Variants in NRG1 observed in about 807,000 individuals in gnomAD.
NRG1 encodes the protein neuregulin 1.
NRG1 carries 18 observed loss-of-function variants against 63.8 expected under a neutral mutation model. That is an observed-to-expected ratio of 0.28 (90% CI 0.19 to 0.42). The LOEUF (loss-of-function observed/expected upper bound fraction) is 0.42. Among genes scored for constraint, NRG1 ranks in the 10% least tolerant of loss-of-function variants. NRG1 has a pLI of 1.00. For missense variants in NRG1, 762 were observed against 814.7 expected (o/e 0.94, Z 0.79); for synonymous variants, 302 against 301.3 (o/e 1.00, Z -0.02).
intron 1 of NRG1, among the ~76,000 whole-genome samples, chr8:32,590,830 C>G (rs561941525): frequency 6.6e-6 from 1 of 152,140 alleles, no homozygotes; most frequent in East Asian, 1.9e-4. Context: ...AAAAGTCATA[C>G]AAACCACATG....
intron 1 of NRG1, among the ~76,000 whole-genome samples, chr8:32,559,751 C>CT: frequency 6.6e-6 from 1 of 151,324 alleles, no homozygotes; most frequent in African/African-American, 2.4e-5. Context: ...ATTCCCAGCA[C>CT]TTTGAGGGGC....
At chr8:31,716,947 G>T (rs1434026940) in intron 1 of NRG1, among the ~76,000 whole-genome samples, 1 of 152,188 alleles carries the variant, frequency 6.6e-6, no homozygotes, top group Non-Finnish European at 1.5e-5. Flanking sequence ...AGAAAGCTTA[G>T]AACAGTGAAA....
At chr8:31,698,659 T>C (rs1400863710) in intron 1 of NRG1, among the ~76,000 whole-genome samples, 1 of 152,224 alleles carries the variant, frequency 6.6e-6, no homozygotes, top group East Asian at 1.9e-4. Context: ...GTTATTAGCA[T>C]GGGTCTTTGT....
intron 1 of NRG1, among the ~76,000 whole-genome samples, chr8:32,097,183 T>G (rs1433209950): frequency 6.6e-6 from 1 of 152,216 alleles, no homozygotes; most frequent in African/African-American, 2.4e-5. Context: ...ATTTCATTCT[T>G]TCTTGTGGCT....
chr8:32,062,788 AT>A (rs2130925254), intron 1 of NRG1, among the ~76,000 whole-genome samples: 1 of 152,136 alleles, frequency 6.6e-6, no homozygotes, highest in African/African-American at 2.4e-5. Context: ...TATAATTCAT[AT>A]TTGTTTTATC....
Position 32,107,194 on chromosome 8 carries a change from C to G in NRG1, c.37+467763C>G, listed in dbSNP as rs185213163. On this transcript the variant is annotated intron_variant, in intron 1 of 10. Coordinates refer to the NRG1 transcript ENST00000519301. ...GAGGTCGCAGTGAGCCGAGATTGCGCAACAGAGTGTGACTCAGTCTTAAAA... is the reference window on the plus strand; with the variant it reads ...GAGGTCGCAGTGAGCCGAGATTGCGGAACAGAGTGTGACTCAGTCTTAAAA... 1.2e-4 allele frequency among the ~76,000 whole-genome samples: 18 copies of G among 149,968 alleles called. No homozygotes were observed. The East Asian group carries it at 3.4e-3, about 28-fold the overall frequency.
intron 1 of NRG1, among the ~76,000 whole-genome samples, chr8:32,444,862 G>T (rs1418115317): frequency 6.6e-6 from 1 of 152,322 alleles, no homozygotes; most frequent in East Asian, 1.9e-4. Context: ...TTTAGAGGAA[G>T]AGATGGGACT....
chr8:32,152,243 T>G (rs1378364828), intron 1 of NRG1, among the ~76,000 whole-genome samples: 1 of 152,238 alleles, frequency 6.6e-6, no homozygotes. Context: ...GATGAACATT[T>G]GCAAGCTGTA....
intron 1 of NRG1, among the ~76,000 whole-genome samples, chr8:32,192,749 ATAAG>A (rs1448112598): frequency 3.3e-5 from 5 of 152,220 alleles, no homozygotes; most frequent in Admixed American, 6.5e-5. Context: ...CTTGAAAAAA[ATAAG>A]TAAGTAAAAC....
At chr8:32,345,827 G>A (rs1425066861) in intron 1 of NRG1, among the ~76,000 whole-genome samples, 6 of 151,710 alleles carry the variant, frequency 4.0e-5, no homozygotes, top group Admixed American at 2.0e-4. Flanking sequence ...CTGCAGAGAC[G>A]GCCAACCCCA....
At chr8:31,698,323 C>A (rs1197778786) in intron 1 of NRG1, among the ~76,000 whole-genome samples, 1 of 152,108 alleles carries the variant, frequency 6.6e-6, no homozygotes, top group African/African-American at 2.4e-5. Context: ...TGACAAGGAC[C>A]AATTGTGATT....
chr8:32,086,883 A>G (rs960368112), intron 1 of NRG1, among the ~76,000 whole-genome samples: 1 of 152,346 alleles, frequency 6.6e-6, no homozygotes, highest in African/African-American at 2.4e-5. Context: ...TTACATTATT[A>G]TAGTAAGAAC....
chr8:31,932,126 A>G (rs541448835), intron 1 of NRG1, among the ~76,000 whole-genome samples: 9 of 151,148 alleles, frequency 6.0e-5, no homozygotes, highest in African/African-American at 2.2e-4. Context: ...CTTTAAGGGA[A>G]GGTTTTTGGT....
chr8:31,665,832 C>T (rs1032732235), intron 1 of NRG1, among the ~76,000 whole-genome samples: 2 of 152,142 alleles, frequency 1.3e-5, no homozygotes, highest in African/African-American at 4.8e-5. Context: ...CTAATTTGCT[C>T]CATTTTCAAA....
rs188147772 is a variant in NRG1 at position 32,567,474 on chromosome 8, C to G, written c.100+18648C>G. ...CTGGCCTAGTCTGATGCTTAGCCTT[C>G]AAGAGTAAAATGATGTGTTGTTAGA... is the stretch of plus-strand genomic sequence containing the variant. On this transcript the variant is annotated intron_variant, in intron 1 of 11. Transcript: ENST00000356819. Among the ~76,000 whole-genome samples the G allele has an allele frequency of 1.3e-4, 20 of 152,316 alleles. No individual in the cohort carries two copies. The East Asian group carries it at 3.5e-3, about 26-fold the overall frequency.
intron 1 of NRG1, among the ~76,000 whole-genome samples, chr8:32,463,896 TTTTTTTTTTTTTTTTTTGG>T (rs1822682060): frequency 1.4e-5 from 1 of 73,204 alleles, no homozygotes; most frequent in African/African-American, 4.7e-5. Context: ...TTTTTTTTTT[TTTTTTTTTTTTTTTTTTGG>T]GGGAGGGTCT....
intron 1 of NRG1, among the ~76,000 whole-genome samples, chr8:32,231,976 T>G (rs2132597214): frequency 6.6e-6 from 1 of 152,140 alleles, no homozygotes; most frequent in South Asian, 2.1e-4. Context: ...TGATCACAGC[T>G]CACTGCAGCC....
intron 1 of NRG1, among the ~76,000 whole-genome samples, chr8:32,299,863 C>T (rs79648026): frequency 0.055 from 8,360 of 152,092 alleles, 269 homozygotes; most frequent in South Asian, 0.071. Flanking sequence ...TCCTGTGACA[C>T]GTGTGGATTA....
chr8:32,357,859 A>G (rs1220147699), intron 1 of NRG1, among the ~76,000 whole-genome samples: 1 of 152,190 alleles, frequency 6.6e-6, no homozygotes, highest in African/African-American at 2.4e-5. Context: ...ATACTTTTAA[A>G]AGACAGTGTA....
Sources: allele counts gnomAD v4.1 joint callset (sites outside exome capture counted in the v4.1 genomes callset), GRCh38; gene constraint gnomAD v4.1.1; transcripts MANE v1.5; gene names NCBI Gene and HGNC (gene_info 2026-07-23, HGNC 2026-07-21).